SRGAP1: variants seen among roughly 807,000 people sequenced by gnomAD.
SRGAP1 encodes SLIT-ROBO Rho GTPase activating protein 1, also known as SLIT-ROBO Rho GTPase-activating protein 1.
SRGAP1 carries 43 observed loss-of-function variants against 121.9 expected under a neutral mutation model. The ratio of observed to expected loss-of-function variants is 0.35; its 90% CI spans 0.28 to 0.46. The LOEUF (loss-of-function observed/expected upper bound fraction) is 0.46, where lower values mean the gene tolerates loss of function less well. Ranked by LOEUF, SRGAP1 falls within the 20% of genes least tolerant of loss-of-function variation. SRGAP1 has a pLI of 1.00. For synonymous variants in SRGAP1, 447 were observed against 485.4 expected (o/e 0.92, Z 1.04); for missense variants, 1,102 against 1,350.9 (o/e 0.82, Z 2.89).
At chr12:64,035,687 CA>C (rs1325306011) in intron 4 of SRGAP1, among the ~76,000 whole-genome samples, 5 of 152,108 alleles carry the variant, frequency 3.3e-5, no homozygotes, top group African/African-American at 9.7e-5. Flanking sequence ...CCTCCAAGGC[CA>C]TCCTTACTGA....
chr12:64,108,435 G>T (rs565148666), intron 15 of SRGAP1, among the ~76,000 whole-genome samples: 1 of 152,182 alleles, frequency 6.6e-6, no homozygotes, highest in Non-Finnish European at 1.5e-5. Context: ...ATGGTATAAT[G>T]TAATACAAGG....
In SRGAP1 at chr12:64,147,989, TC is replaced by T; in HGVS notation, c.*5318del. ...TTTTTATCTCACTTTCATTTCTTGT[TC>T]ATTTGGAAATAGGGTGTCCTGCACA... On this transcript the variant is annotated 3_prime_UTR_variant, in exon 22 of 22. Coordinates refer to ENST00000355086, the MANE Select transcript of SRGAP1 (RefSeq NM_020762.4). 4.9e-6 allele frequency: 1 copy of T among 202,514 alleles called. No individual in the cohort carries two copies. The highest frequency in any genetic ancestry group is 6.0e-5 in the Admixed American group (1 of 16,790). 12.5% of individuals were successfully genotyped at this position (202,514 alleles called of 1,614,324 possible).
rs118087951 is a variant in SRGAP1 at position 63,891,278 on chromosome 12, C to T, written c.67+46395C>T. 6.1e-3 allele frequency among the ~76,000 whole-genome samples: 933 copies of T among 152,342 alleles called. 37 individuals carry two copies. Among genetic ancestry groups the T allele is most frequent in the Admixed American group, 0.052 (794 of 15,306 alleles). On this transcript the variant is annotated intron_variant, in intron 1 of 21. Transcript: ENST00000355086. Reference sequence around the variant, plus strand: ...GCTGACATGGAGCAGTGCTCTGTTACTGTCACTGCCTGTCCTACGGGTGTG... The same window carrying T: ...GCTGACATGGAGCAGTGCTCTGTTATTGTCACTGCCTGTCCTACGGGTGTG...
chr12:64,157,809 A>G lies in SRGAP1; in HGVS notation c.*15137A>G, dbSNP rs573370956. The G allele has an allele frequency of 6.6e-6, 1 of 152,054 alleles. No individual in the cohort carries two copies. Among genetic ancestry groups the G allele is most frequent in the East Asian group, 2.0e-4 (1 of 5,126 alleles). 9.4% of individuals were successfully genotyped at this position (152,054 alleles called of 1,614,324 possible). A position where few individuals can be genotyped will look rare whatever the true frequency, so the allele number is the denominator to read the frequency against. ...TAGCTGCTGTAACAAACAACCCCCC[A>G]AACTCAGTAACACAATCAAGCTGAA... On this transcript the variant is annotated 3_prime_UTR_variant, in exon 22 of 22. Coordinates refer to ENST00000355086, the MANE Select transcript of SRGAP1 (RefSeq NM_020762.4).
intron 7 of SRGAP1, 106 bp downstream of exon 7, chr12:64,063,244 C>T (rs780964806): frequency 9.5e-7 from 1 of 1,049,936 alleles, no homozygotes; most frequent in Non-Finnish European, 1.4e-6. Context: ...TTTTCTCTCT[C>T]CTGTCCTTGC....
intron 1 of SRGAP1, among the ~76,000 whole-genome samples, chr12:63,914,385 T>C (rs2030686928): frequency 6.6e-6 from 1 of 152,214 alleles, no homozygotes; most frequent in Non-Finnish European, 1.5e-5. Context: ...TTGTTTTTAG[T>C]GACCTGATTA....
At chr12:64,101,970 A>G (rs1373063129) in intron 15 of SRGAP1, among the ~76,000 whole-genome samples, 5 of 152,262 alleles carry the variant, frequency 3.3e-5, no homozygotes, top group Admixed American at 2.6e-4. Flanking sequence ...ACAAAAGCAC[A>G]TAGAACAAAA....
chr12:63,844,761 G>C lies in SRGAP1; in HGVS notation c.-56G>C. 1 of 1,570,302 alleles carries C rather than the reference G, an allele frequency of 6.4e-7. No individual in the cohort carries two copies. Among genetic ancestry groups the C allele is most frequent in the Non-Finnish European group, 8.8e-7 (1 of 1,140,064 alleles). ...AACTCTGCCTCTCCAAGGAGAACGG[G>C]TTGTGACCACTGAACAAAACTTGCC... On this transcript the variant is annotated 5_prime_UTR_variant, in exon 1 of 22. Transcript: ENST00000355086. This position sits in a 1 kb window ranked among gnomAD's most constrained non-coding sequence, Gnocchi z 4.3.
chr12:63,906,338 G>A (rs924177394), intron 1 of SRGAP1, among the ~76,000 whole-genome samples: 16 of 151,496 alleles, frequency 1.1e-4, no homozygotes, highest in African/African-American at 3.6e-4. Flanking sequence ...GTTTTGAGAC[G>A]GAGTCTGGCT....
intron 1 of SRGAP1, among the ~76,000 whole-genome samples, chr12:63,978,985 C>T (rs2033171905): frequency 6.6e-6 from 1 of 150,660 alleles, no homozygotes; most frequent in South Asian, 2.1e-4. Context: ...TGCTACTGGC[C>T]ATTTGCCATT....
chr12:63,987,377 G>A (rs986332928), intron 2 of SRGAP1, among the ~76,000 whole-genome samples: 1 of 152,178 alleles, frequency 6.6e-6, no homozygotes, highest in African/African-American at 2.4e-5. Flanking sequence ...ACTAGCTTTG[G>A]TCTTTATCAA....
At chr12:63,952,675 A>G (rs908811766) in intron 1 of SRGAP1, among the ~76,000 whole-genome samples, 4 of 152,182 alleles carry the variant, frequency 2.6e-5, no homozygotes, top group African/African-American at 9.7e-5. Context: ...GACACAGTTT[A>G]TGTTTCATGG....
chr12:63,927,056 A>G (rs904312296), intron 1 of SRGAP1, among the ~76,000 whole-genome samples: 5 of 152,054 alleles, frequency 3.3e-5, no homozygotes, highest in Non-Finnish European at 7.4e-5. Flanking sequence ...CTCTCAACAT[A>G]CCCAATCCCC....
intron 6 of SRGAP1, among the ~76,000 whole-genome samples, chr12:64,052,243 G>A (rs1395991398): frequency 6.6e-6 from 1 of 151,906 alleles, no homozygotes; most frequent in Non-Finnish European, 1.5e-5. Flanking sequence ...GAGAACTTCT[G>A]AAATATCAGT....
intron 1 of SRGAP1, among the ~76,000 whole-genome samples, chr12:63,858,906 T>C (rs1899348072): frequency 6.6e-6 from 1 of 152,006 alleles, no homozygotes; most frequent in African/African-American, 2.4e-5. Context: ...TTTTGCCATG[T>C]TGGCCTGGCT....
chr12:64,018,216 G>A (rs1455944196), intron 4 of SRGAP1, among the ~76,000 whole-genome samples: 1 of 152,140 alleles, frequency 6.6e-6, no homozygotes, highest in Non-Finnish European at 1.5e-5. Flanking sequence ...AGCCTCCAGA[G>A]TAGCTGGGAT....
chr12:63,996,431 AT>A (rs951356892), intron 3 of SRGAP1, among the ~76,000 whole-genome samples: 2 of 151,762 alleles, frequency 1.3e-5, no homozygotes, highest in Non-Finnish European at 2.9e-5. Context: ...TAAATCTATG[AT>A]TTTTTTTCTT....
intron 4 of SRGAP1, among the ~76,000 whole-genome samples, chr12:64,039,659 G>GTGTGTGTGTGTA (rs1491522342): frequency 7.0e-6 from 1 of 143,244 alleles, no homozygotes; most frequent in African/African-American, 2.6e-5. Flanking sequence ...GTGTGTGTGT[G>GTGTGTGTGTGTA]TACACCCTCT....
chr12:63,922,258 C>T (rs930631063), intron 1 of SRGAP1, among the ~76,000 whole-genome samples: 1 of 152,158 alleles, frequency 6.6e-6, no homozygotes, highest in Non-Finnish European at 1.5e-5. Flanking sequence ...GGATTACAGG[C>T]ATGAGCTACT....
Sources: allele counts gnomAD v4.1 joint callset (sites outside exome capture counted in the v4.1 genomes callset), GRCh38; gene constraint gnomAD v4.1.1; non-coding constraint Gnocchi (gnomAD v3.1); transcripts MANE v1.5; gene names NCBI Gene and HGNC (gene_info 2026-07-23, HGNC 2026-07-21).